The following KCNIP4 variants were observed in gnomAD, a reference collection of about 807,000 sequenced individuals.
KCNIP4 encodes potassium voltage-gated channel interacting protein 4, also known as Kv channel-interacting protein 4.
KCNIP4 carries 12 observed loss-of-function variants against 34.0 expected under a neutral mutation model. The observed-to-expected ratio is 0.35, with a 90% CI of 0.23 to 0.57. The LOEUF (loss-of-function observed/expected upper bound fraction) is 0.57. Among genes scored for constraint, KCNIP4 ranks in the 20% least tolerant of loss-of-function variants. The probability of loss-of-function intolerance (pLI) is 0.83; values close to 1 mark genes in which losing one functional copy is unlikely to be tolerated. For missense variants in KCNIP4, 238 were observed against 311.7 expected (o/e 0.76, Z 1.78); for synonymous variants, 124 against 102.2 (o/e 1.21, Z -1.29).
intron 1 of KCNIP4, among the ~76,000 whole-genome samples, chr4:21,946,715 C>A (rs1254909021): frequency 6.6e-6 from 1 of 152,096 alleles, no homozygotes; most frequent in African/African-American, 2.4e-5. Context: ...TTTGTGAATA[C>A]AATTCAAGAA....
intron 1 of KCNIP4, among the ~76,000 whole-genome samples, chr4:21,681,729 T>C (rs756317497): frequency 2.0e-5 from 3 of 152,156 alleles, no homozygotes; most frequent in Non-Finnish European, 4.4e-5. Flanking sequence ...TGGCTCACCG[T>C]TCTGCAGGCT....
At chr4:21,032,768 G>A (rs1257148174) in intron 1 of KCNIP4, among the ~76,000 whole-genome samples, 1 of 38,888 alleles carries the variant, frequency 2.6e-5, no homozygotes, top group Non-Finnish European at 4.6e-5. Context: ...TTAGAGTTGG[G>A]GAAAAGTGAT....
At chr4:21,714,132 ACCTTTGAGATGGTAGTCC>A (rs1455891216) in intron 1 of KCNIP4, among the ~76,000 whole-genome samples, 1 of 152,118 alleles carries the variant, frequency 6.6e-6, no homozygotes, top group Non-Finnish European at 1.5e-5. Context: ...GTGTTTTGTC[ACCTTTGAGATGGTAGTCC>A]CCTTTGACAG....
chr4:21,569,234 T>TAAAAAAAAAAAAAAAAAAAAAAAAAA (rs71191521), intron 1 of KCNIP4, among the ~76,000 whole-genome samples: 2 of 25,186 alleles, frequency 7.9e-5, no homozygotes, highest in African/African-American at 1.4e-4. Context: ...ACTGATATTC[T>TAAAAAAAAAAAAAAAAAAAAAAAAAA]AAAAAAAAAA....
At chr4:21,006,648 G>T (rs6830960) in intron 1 of KCNIP4, among the ~76,000 whole-genome samples, 1 of 152,130 alleles carries the variant, frequency 6.6e-6, no homozygotes. Context: ...ATTTGCTGTC[G>T]GTAGAATGAG....
intron 1 of KCNIP4, among the ~76,000 whole-genome samples, chr4:21,143,955 AC>A (rs1426884293): frequency 1.3e-5 from 2 of 151,842 alleles, no homozygotes; most frequent in Non-Finnish European, 2.9e-5. Context: ...TGATCCACCC[AC>A]CTTGGTCTCC....
chr4:20,833,441 T>C (rs1718666238), intron 3 of KCNIP4, among the ~76,000 whole-genome samples: 2 of 151,928 alleles, frequency 1.3e-5, no homozygotes, highest in South Asian at 4.2e-4. Context: ...GCCGACATTG[T>C]GCCACTGCAC....
At chr4:21,485,343 A>G (rs1481031723) in intron 1 of KCNIP4, among the ~76,000 whole-genome samples, 4 of 152,190 alleles carry the variant, frequency 2.6e-5, no homozygotes, top group Admixed American at 2.0e-4. Flanking sequence ...AACATGTCCT[A>G]GAATGGTCTC....
chr4:21,873,530 A>G (rs1162327444), intron 1 of KCNIP4, among the ~76,000 whole-genome samples: 1 of 152,242 alleles, frequency 6.6e-6, no homozygotes, highest in African/African-American at 2.4e-5. Context: ...AGTGCCTGGC[A>G]CAAAATAGTC....
rs543640868 is a variant in KCNIP4, at chr4:20,762,327, T to C, written c.289-3437A>G. Among the ~76,000 whole-genome samples, 77 of 152,252 alleles carry C rather than the reference T, an allele frequency of 5.1e-4. 1 individual carries two copies. The highest frequency in any genetic ancestry group is 3.9e-3 in the Admixed American group (59 of 15,284). On this transcript the variant is annotated intron_variant, in intron 3 of 8. Coordinates refer to ENST00000382152, the MANE Select transcript of KCNIP4 (RefSeq NM_025221.6). Reference sequence around the variant, plus strand: ...GGCCCCACCTCCTAATACTATCACATTGGGGGTTAGGATTTCAACATATGA... The same window carrying C: ...GGCCCCACCTCCTAATACTATCACACTGGGGGTTAGGATTTCAACATATGA...
chr4:21,440,772 A>C (rs1234427788), intron 1 of KCNIP4, among the ~76,000 whole-genome samples: 4 of 152,198 alleles, frequency 2.6e-5, no homozygotes, highest in Admixed American at 2.0e-4. Flanking sequence ...GTGCCAAGCC[A>C]AATGAAATGA....
chr4:21,752,062 T>C (rs1290288692), intron 1 of KCNIP4, among the ~76,000 whole-genome samples: 1 of 152,102 alleles, frequency 6.6e-6, no homozygotes, highest in African/African-American at 2.4e-5. Context: ...TCATATGAGA[T>C]TCCACAAAGC....
chr4:20,912,650 T>C (rs1373673244), intron 1 of KCNIP4, among the ~76,000 whole-genome samples: 1 of 152,168 alleles, frequency 6.6e-6, no homozygotes, highest in Non-Finnish European at 1.5e-5. Context: ...AGGAATTTAG[T>C]ATCCAAAATA....
intron 3 of KCNIP4, among the ~76,000 whole-genome samples, chr4:20,759,971 A>T (rs1014653677): frequency 6.6e-6 from 1 of 152,192 alleles, no homozygotes; most frequent in Non-Finnish European, 1.5e-5. Context: ...GAACCTGCAG[A>T]TAAGAGAAGT....
intron 1 of KCNIP4, among the ~76,000 whole-genome samples, chr4:20,965,156 C>G (rs978251285): frequency 6.6e-6 from 1 of 152,096 alleles, no homozygotes; most frequent in African/African-American, 2.4e-5. Flanking sequence ...TTAGAAGAAG[C>G]CTCAAAAAGA....
intron 1 of KCNIP4, among the ~76,000 whole-genome samples, chr4:21,268,628 C>T (rs1299645094): frequency 6.6e-6 from 1 of 152,204 alleles, no homozygotes; most frequent in Non-Finnish European, 1.5e-5. Flanking sequence ...TCTGCTTCAA[C>T]ACTTCAAGGG....
chr4:21,858,573 C>T (rs1724888788), intron 1 of KCNIP4, among the ~76,000 whole-genome samples: 2 of 152,154 alleles, frequency 1.3e-5, no homozygotes, highest in Non-Finnish European at 2.9e-5. Context: ...GAATTCAACT[C>T]AAAAGGTTCA....
chr4:20,877,463 G>A (rs1724182817), intron 2 of KCNIP4, among the ~76,000 whole-genome samples: 1 of 152,122 alleles, frequency 6.6e-6, no homozygotes, highest in African/African-American at 2.4e-5. Context: ...GTGTTGGAAA[G>A]TACTGGATTT....
chr4:21,860,790 C>A (rs1387841377), intron 1 of KCNIP4, among the ~76,000 whole-genome samples: 1 of 152,136 alleles, frequency 6.6e-6, no homozygotes, highest in Non-Finnish European at 1.5e-5. Context: ...TAGATATACA[C>A]GTGACATAAC....
Sources: gnomAD v4.1 joint callset for allele counts (sites outside exome capture counted in the v4.1 genomes callset) on GRCh38, gnomAD v4.1.1 for gene constraint, MANE v1.5 for transcripts, NCBI Gene and HGNC (gene_info 2026-07-23, HGNC 2026-07-21) for gene names.